Variants in PUS10 observed in about 807,000 individuals in gnomAD.
The protein encoded by PUS10 is tRNA pseudouridine synthase Pus10.
In PUS10, 59 loss-of-function variants were observed where a neutral mutation model predicts 75.0. That is an observed-to-expected ratio of 0.79 (90% CI 0.64 to 0.98). The LOEUF (loss-of-function observed/expected upper bound fraction) is 0.98. Ranked by LOEUF, PUS10 falls within the 50% of genes least tolerant of loss-of-function variation. The pLI, the probability that PUS10 is intolerant of heterozygous loss-of-function variation, is 0.00. For missense variants in PUS10, 650 were observed against 614.4 expected (o/e 1.06, Z -0.61); for synonymous variants, 219 against 211.6 (o/e 1.03, Z -0.30).
At chr2:60,971,109 G>T (rs1676634047) in intron 5 of PUS10, among the ~76,000 whole-genome samples, 1 of 151,722 alleles carries the variant, frequency 6.6e-6, no homozygotes, top group South Asian at 2.1e-4. Context: ...GAACCAGCGA[G>T]GTGGAGGTTG....
chr2:61,015,983 C>T (rs887811268), intron 1 of PUS10, among the ~76,000 whole-genome samples: 1 of 152,156 alleles, frequency 6.6e-6, no homozygotes, highest in Non-Finnish European at 1.5e-5. Flanking sequence ...AGAAGAAATA[C>T]ACCCTCTTCC....
intron 4 of PUS10, among the ~76,000 whole-genome samples, chr2:60,980,783 T>G (rs1330289505): frequency 1.3e-5 from 2 of 152,250 alleles, no homozygotes; most frequent in African/African-American, 4.8e-5. Flanking sequence ...TAGACTATTC[T>G]ATTCAAAGAA....
intron 4 of PUS10, among the ~76,000 whole-genome samples, chr2:60,993,833 A>G (rs1200458111): frequency 6.6e-6 from 1 of 152,064 alleles, no homozygotes; most frequent in Non-Finnish European, 1.5e-5. Context: ...TCTGTTGCCC[A>G]GTCTGGAGTG....
chr2:60,979,595 C>T (rs367894912), intron 4 of PUS10, among the ~76,000 whole-genome samples: 11 of 152,246 alleles, frequency 7.2e-5, no homozygotes, highest in East Asian at 1.9e-4. Flanking sequence ...GGATGTCAGA[C>T]GTGTGATTAA....
chr2:60,994,640 A>C (rs1678330309), intron 4 of PUS10, among the ~76,000 whole-genome samples: 1 of 152,242 alleles, frequency 6.6e-6, no homozygotes, highest in Admixed American at 6.5e-5. Flanking sequence ...AAATGATCAC[A>C]CTTGTTAAAT....
chr2:61,006,080 TAAAAA>T (rs1200890002), intron 4 of PUS10, among the ~76,000 whole-genome samples: 1 of 152,008 alleles, frequency 6.6e-6, no homozygotes, highest in Non-Finnish European at 1.5e-5. Context: ...GAAAACAGTT[TAAAAA>T]AAATGAGGCC....
intron 5 of PUS10, among the ~76,000 whole-genome samples, chr2:60,969,350 A>C (rs890835748): frequency 2.5e-4 from 38 of 152,244 alleles, no homozygotes; most frequent in Non-Finnish European, 2.9e-5. Flanking sequence ...CCTGAAAGTT[A>C]AATGCAGCTA....
At chr2:60,983,116 A>C (rs1347366450) in intron 4 of PUS10, among the ~76,000 whole-genome samples, 3 of 151,890 alleles carry the variant, frequency 2.0e-5, no homozygotes, top group African/African-American at 7.3e-5. Context: ...TGGTTTCAAA[A>C]TCCTGGCCTT....
chr2:60,986,305 A>G (rs1285933764), intron 4 of PUS10, among the ~76,000 whole-genome samples: 1 of 152,236 alleles, frequency 6.6e-6, no homozygotes, highest in East Asian at 1.9e-4. Flanking sequence ...TTAAGTTACC[A>G]CATGCATTTG....
intron 7 of PUS10, 115 bp downstream of exon 7, chr2:60,965,308 T>C (rs1676269170): frequency 9.6e-7 from 1 of 1,037,498 alleles, no homozygotes; most frequent in Non-Finnish European, 1.5e-6. Context: ...TTAAACCTAC[T>C]AAGACATAAC....
intron 4 of PUS10, among the ~76,000 whole-genome samples, chr2:60,988,358 C>G (rs1014449996): frequency 5.9e-5 from 9 of 151,792 alleles, no homozygotes; most frequent in Non-Finnish European, 1.2e-4. Flanking sequence ...ATGTTTTCTC[C>G]TCATAGTCCT....
chr2:60,979,228 A>G (rs1029090371), intron 4 of PUS10, among the ~76,000 whole-genome samples: 1 of 152,204 alleles, frequency 6.6e-6, no homozygotes, highest in African/African-American at 2.4e-5. Context: ...ACTGGGCTCA[A>G]TAAGGAGGTT....
intron 4 of PUS10, among the ~76,000 whole-genome samples, chr2:60,983,081 G>A (rs1677502761): frequency 6.6e-6 from 1 of 152,028 alleles, no homozygotes; most frequent in African/African-American, 2.4e-5. Context: ...TGGTAGAGAT[G>A]GGGGTCTCAC....
intron 11 of PUS10, among the ~76,000 whole-genome samples, chr2:60,958,940 A>G (rs948094441): frequency 2.0e-5 from 3 of 152,138 alleles, no homozygotes; most frequent in East Asian, 3.8e-4. Flanking sequence ...GAGTAATATC[A>G]TCCATGCCCT....
intron 4 of PUS10, among the ~76,000 whole-genome samples, chr2:60,984,692 T>A (rs1677610287): frequency 6.6e-6 from 1 of 152,230 alleles, no homozygotes; most frequent in African/African-American, 2.4e-5. Context: ...TGAATTAATT[T>A]AAGAAATTCT....
chr2:60,965,222 G>C (rs534380036), intron 7 of PUS10, 119 bp from the exon 8 acceptor site: 1 of 1,079,822 alleles, frequency 9.3e-7, no homozygotes, highest in Non-Finnish European at 1.4e-6. Context: ...CAGACAAAAT[G>C]AGTCCCTGTA....
At chr2:60,947,703 CCTGTAGT>C (rs1361812105) in intron 16 of PUS10, among the ~76,000 whole-genome samples, 4 of 151,706 alleles carry the variant, frequency 2.6e-5, no homozygotes, top group African/African-American at 4.8e-5. Context: ...GTGGCAGGCG[CCTGTAGT>C]CCCAGCTACT....
intron 4 of PUS10, among the ~76,000 whole-genome samples, chr2:60,987,850 C>A (rs904632932): frequency 6.6e-6 from 1 of 151,508 alleles, no homozygotes; most frequent in Non-Finnish European, 1.5e-5. Flanking sequence ...GAGGTGGAGG[C>A]ATACTAAACT....
At chr2:61,015,566 G>T (rs1238295340) in intron 1 of PUS10, among the ~76,000 whole-genome samples, 13 of 152,140 alleles carry the variant, frequency 8.5e-5, no homozygotes. Context: ...ATGCGTGGTG[G>T]CACGCACCTG....
Sources: allele counts gnomAD v4.1 joint callset (sites outside exome capture counted in the v4.1 genomes callset), GRCh38; gene constraint gnomAD v4.1.1; transcripts MANE v1.5; gene names NCBI Gene and HGNC (gene_info 2026-07-23, HGNC 2026-07-21).